AMPH: variants seen among roughly 807,000 people sequenced by gnomAD.
AMPH encodes amphiphysin.
A neutral mutation model predicts 99.1 loss-of-function variants in AMPH; 49 were observed. The ratio of observed to expected loss-of-function variants is 0.49; its 90% CI spans 0.39 to 0.63. AMPH has a LOEUF of 0.63. Among genes scored for constraint, AMPH ranks in the 20% least tolerant of loss-of-function variants. AMPH has a pLI of 0.00. For synonymous variants in AMPH, 314 were observed against 317.3 expected, an observed-to-expected ratio of 0.99 and a Z score of 0.11; for missense variants, 759 against 863.4, an observed-to-expected ratio of 0.88 and a Z score of 1.52.
intron 19 of AMPH, among the ~76,000 whole-genome samples, chr7:38,390,576 T>C (rs1201601518): frequency 1.3e-5 from 2 of 152,188 alleles, no homozygotes; most frequent in Non-Finnish European, 1.5e-5. Flanking sequence ...AGAGTAAACA[T>C]TGGCTTTTAA....
chr7:38,515,068 T>C (rs893393415), intron 2 of AMPH, among the ~76,000 whole-genome samples: 3 of 152,072 alleles, frequency 2.0e-5, no homozygotes, highest in African/African-American at 7.2e-5. Context: ...ACCAGAATCA[T>C]AGTAAAAATA....
intron 1 of AMPH, 125 bp from the exon 2 acceptor site, chr7:38,535,136 C>T: frequency 1.3e-6 from 1 of 743,498 alleles, no homozygotes; most frequent in East Asian, 2.8e-5. Context: ...ATCAGCACTT[C>T]TAATTTTTCT....
intron 1 of AMPH, among the ~76,000 whole-genome samples, chr7:38,608,436 C>A (rs1267831752): frequency 6.6e-6 from 1 of 152,280 alleles, no homozygotes; most frequent in East Asian, 1.9e-4. Flanking sequence ...TCTCTGCCCC[C>A]TTCTTCCACC....
chr7:38,563,597 G>T (rs991812116), intron 1 of AMPH, among the ~76,000 whole-genome samples: 19 of 152,070 alleles, frequency 1.2e-4, no homozygotes, highest in African/African-American at 4.3e-4. Flanking sequence ...GTAAATATTT[G>T]GGGAATGAAA....
chr7:38,555,805 T>C (rs1791343054), intron 1 of AMPH, among the ~76,000 whole-genome samples: 1 of 152,204 alleles, frequency 6.6e-6, no homozygotes. Flanking sequence ...TAATTTGTAG[T>C]GTTTTCCAAA....
chr7:38,548,389 G>A (rs1468568768), intron 1 of AMPH, among the ~76,000 whole-genome samples: 3 of 152,118 alleles, frequency 2.0e-5, no homozygotes, highest in African/African-American at 7.2e-5. Flanking sequence ...AAACAGCTAT[G>A]TTATTTAGGA....
chr7:38,520,796 T>A (rs1391270773), intron 2 of AMPH, among the ~76,000 whole-genome samples: 1 of 152,080 alleles, frequency 6.6e-6, no homozygotes, highest in Non-Finnish European at 1.5e-5. Context: ...GTAGCTGCAG[T>A]GAGGGAAGTG....
intron 1 of AMPH, among the ~76,000 whole-genome samples, chr7:38,615,547 C>A (rs1793844081): frequency 6.6e-6 from 1 of 151,938 alleles, no homozygotes; most frequent in African/African-American, 2.4e-5. Flanking sequence ...TTCCCCTCTG[C>A]AAAAAAGAGT....
At chr7:38,595,261 T>C (rs561252919) in intron 1 of AMPH, among the ~76,000 whole-genome samples, 54 of 152,262 alleles carry the variant, frequency 3.5e-4, no homozygotes, top group African/African-American at 1.3e-3. Context: ...AGCTCCCCCT[T>C]TCCCTCAGCA....
chr7:38,412,972 G>T (rs1785256631), intron 17 of AMPH, among the ~76,000 whole-genome samples: 1 of 152,176 alleles, frequency 6.6e-6, no homozygotes. Context: ...ATCTAACAGG[G>T]ACTGGGTCCA....
intron 1 of AMPH, among the ~76,000 whole-genome samples, chr7:38,594,585 G>A (rs6962805): frequency 0.36 from 54,766 of 151,948 alleles, 10,245 homozygotes; most frequent in African/African-American, 0.45. Context: ...GAAGGGGTAC[G>A]TATGAATGGG....
chr7:38,587,928 G>C (rs1378076384), intron 1 of AMPH, among the ~76,000 whole-genome samples: 3 of 148,592 alleles, frequency 2.0e-5, no homozygotes, highest in Admixed American at 6.6e-5. Flanking sequence ...GTGTGTGTGT[G>C]TGTGTGTGTG....
At chr7:38,407,050 A>C (rs71535802) in intron 17 of AMPH, among the ~76,000 whole-genome samples, 6,415 of 14,210 alleles carry the variant, frequency 0.45, 748 homozygotes, top group Middle Eastern at 0.6. Flanking sequence ...CTCTCTCTCT[A>C]TATATATATA....
In AMPH at chr7:38,391,801, G is replaced by C; in HGVS notation, c.1825C>G (p.Leu609Val). 1 of 1,613,986 alleles carries C rather than the reference G, an allele frequency of 6.2e-7. No homozygotes were observed. The highest frequency in any genetic ancestry group is 8.5e-7 in the Non-Finnish European group (1 of 1,179,982). ...TGAGAGGCCTCCCTTGCAGATGCTA[G>C]CTGGTCAGCAGCCCCCATGGCTGGT... The part of the protein sequence containing the change: ...SAPAMGAADQ[L>V]ASAREASQEL... The change falls in exon 19 of 21, where the codon CTA becomes GTA. Residue 609 changes from leucine to valine, a missense_variant. Leu to Val is a conservative substitution (Grantham distance 32). Around this residue, in one of 2 missense-constraint regions of AMPH, gnomAD observed 554 missense variants for 575.6 expected, o/e 0.96. Coordinates refer to ENST00000356264, the MANE Select transcript of AMPH (RefSeq NM_001635.4).
intron 17 of AMPH, among the ~76,000 whole-genome samples, chr7:38,403,705 A>G (rs1293556121): frequency 6.6e-6 from 1 of 152,208 alleles, no homozygotes; most frequent in African/African-American, 2.4e-5. Context: ...GCCCCTTGGA[A>G]CAAAGGAAAT....
intron 11 of AMPH, among the ~76,000 whole-genome samples, chr7:38,445,497 C>A (rs2392576): frequency 0.3 from 46,149 of 151,950 alleles, 7,472 homozygotes; most frequent in South Asian, 0.41. Context: ...TGCTGGGAGA[C>A]AGTATTTGCA....
chr7:38,441,194 T>C (rs1400232423), intron 11 of AMPH, among the ~76,000 whole-genome samples: 1 of 152,110 alleles, frequency 6.6e-6, no homozygotes, highest in East Asian at 1.9e-4. Context: ...CCTAAACATT[T>C]ATGCACTCAA....
At chr7:38,604,344 G>C (rs1014493799) in intron 1 of AMPH, among the ~76,000 whole-genome samples, 1 of 152,204 alleles carries the variant, frequency 6.6e-6, no homozygotes, top group Admixed American at 6.5e-5. Flanking sequence ...AAGAGCAAAG[G>C]ACAAGGTGAT....
chr7:38,552,532 C>A (rs1791216422), intron 1 of AMPH, among the ~76,000 whole-genome samples: 1 of 152,210 alleles, frequency 6.6e-6, no homozygotes, highest in Non-Finnish European at 1.5e-5. Flanking sequence ...TGGAATAAGT[C>A]ACCAAGGCTC....
Sources: gnomAD v4.1 joint callset for allele counts (sites outside exome capture counted in the v4.1 genomes callset) on GRCh38, gnomAD v4.1.1 for gene constraint, gnomAD v4.1.1 regional missense constraint, MANE v1.5 for transcripts, NCBI Gene and HGNC (gene_info 2026-07-23, HGNC 2026-07-21) for gene names.